Variants in KIFC2 observed in about 807,000 individuals in gnomAD.
KIFC2 encodes the protein kinesin-like protein KIFC2.
KIFC2 carries 94 observed loss-of-function variants against 91.5 expected under a neutral mutation model. That is an observed-to-expected ratio of 1.03 (90% CI 0.87 to 1.22). The LOEUF (loss-of-function observed/expected upper bound fraction) is 1.22, where lower values mean the gene tolerates loss of function less well. KIFC2 is among the 50% of genes most tolerant of loss of function. KIFC2 has a pLI of 0.00. For synonymous variants in KIFC2, 729 were observed against 503.9 expected (o/e 1.45, Z -5.98); for missense variants, 1,357 against 1,103.3 (o/e 1.23, Z -3.26).
At position 144,466,407 on chromosome 8, in the gene KIFC2, G is replaced by A; in HGVS notation, c.-13G>A. 5 of 1,237,190 alleles carry A rather than the reference G, an allele frequency of 4.0e-6. No homozygotes were observed. Among genetic ancestry groups the A allele is most frequent in the East Asian group, 3.9e-5 (1 of 25,848 alleles). The allele number at this position is 1,237,190 out of a possible 1,614,324, so 76.6% of individuals were successfully genotyped here. On this transcript the variant is annotated 5_prime_UTR_variant, in exon 1 of 18. Transcript: ENST00000645548. ...GCGGCGCGAAGCGGGGCCCTCTGCC[G>A]CCCCGCGCTCCCATGTACGCCTTTT...
Position 144,473,197 on chromosome 8 carries a change from T to G in KIFC2, c.2184T>G (p.Gly728=). ...CCCTCAAGTTCGCCGACCGAGTGGG[T>G]CAAGTGGAGCTGGGGCCAGCCCGGC... is the stretch of plus-strand genomic sequence containing the variant. The part of the protein sequence containing the change: ...VCSLKFADRV[G]QVELGPARRR... Residue 728 remains glycine (G), a synonymous_variant, in exon 18 of 18, where the codon GGT becomes GGG. Transcript: ENST00000645548. 1 of 1,582,754 alleles carries G rather than the reference T, an allele frequency of 6.3e-7. No individual in the cohort carries two copies. Among genetic ancestry groups the G allele is most frequent in the Non-Finnish European group, 8.6e-7 (1 of 1,165,454 alleles).
chr8:144,469,499 G>A lies in KIFC2; in HGVS notation c.1232G>A (p.Arg411His), dbSNP rs769307178. ...GRLPELKGNI[R>H]VLCRLRPGTS... ...CTGATCCCCACTGCAGGAAATATCCGTGTGCTGTGTCGGCTGAGGCCAGGG... is the reference window on the plus strand; with the variant it reads ...CTGATCCCCACTGCAGGAAATATCCATGTGCTGTGTCGGCTGAGGCCAGGG... The change falls in exon 12 of 18, where the codon CGT becomes CAT. Residue 411 changes from arginine to histidine, a missense_variant. Physicochemically the swap from Arg to His is conservative, Grantham distance 29. Coordinates refer to ENST00000645548, the MANE Select transcript of KIFC2 (RefSeq NM_001369769.2). 5.6e-6 allele frequency: 9 copies of A among 1,613,892 alleles called. No individual in the cohort carries two copies. The highest frequency in any genetic ancestry group is 3.3e-4 in the Middle Eastern group (2 of 6,082).
rs1200282408 is a variant in KIFC2 at position 144,474,041 on chromosome 8, C to G, written c.*652C>G. On this transcript the variant is annotated 3_prime_UTR_variant, in exon 18 of 18. Transcript: ENST00000645548. Reference sequence around the variant, plus strand: ...CTGAGTGTAGGAAAAACAGGCATGACAGACCAGGGTGAGGGTTGTGCCCAG... The same window carrying G: ...CTGAGTGTAGGAAAAACAGGCATGAGAGACCAGGGTGAGGGTTGTGCCCAG... The G allele has an allele frequency of 1.2e-5, 7 of 589,816 alleles. No individual in the cohort carries two copies. The highest frequency in any genetic ancestry group is 1.8e-5 in the Non-Finnish European group (6 of 333,516). The allele number at this position is 589,816 out of a possible 1,614,324, so 36.5% of individuals were successfully genotyped here. A position where few individuals can be genotyped will look rare whatever the true frequency, so the allele number is the denominator to read the frequency against.
At position 144,467,615 on chromosome 8, in the gene KIFC2, G is replaced by T. The variant is rs144598500; in HGVS notation, c.600G>T (p.Gln200His). ...EDQRAWQRLEQLILGQLEELK... is the reference protein window; with the variant it reads ...EDQRAWQRLEHLILGQLEELK... The stretch of plus-strand genomic sequence containing the variant: ...AGAGGGCGTGGCAGCGGCTGGAGCA[G>T]CTCATCCTGGGACAGGTGAGGTCCC... The change falls in exon 5 of 18, where the codon CAG becomes CAT. Residue 200 changes from glutamine to histidine, a missense_variant. Coordinates refer to ENST00000645548, the MANE Select transcript of KIFC2 (RefSeq NM_001369769.2). 8,549 of 1,596,162 alleles carry T rather than the reference G, an allele frequency of 5.4e-3. 37 individuals are homozygous for T. Among genetic ancestry groups the T allele is most frequent in the Non-Finnish European group, 6.8e-3 (7,965 of 1,170,678 alleles).
intron 12 of KIFC2, chr8:144,470,563 C>T (rs185212226): frequency 2.6e-5 from 4 of 152,398 alleles, no homozygotes; most frequent in South Asian, 2.1e-4. Flanking sequence ...TAGATTCTAG[C>T]CTTGTGGCTG....
rs759173560 is a variant in KIFC2, at chr8:144,466,515, C to T, written c.96C>T (p.Ala32=). The T allele has an allele frequency of 3.1e-5, 40 of 1,281,664 alleles. No individual in the cohort carries two copies. Among genetic ancestry groups the T allele is most frequent in the Non-Finnish European group, 3.7e-5 (37 of 1,006,312 alleles). The allele number at this position is 1,281,664 out of a possible 1,614,324, so 79.4% of individuals were successfully genotyped here. The change falls in exon 1 of 18, where the codon GCC becomes GCT. Residue 32 remains alanine (A), a synonymous_variant. Coordinates refer to ENST00000645548, the MANE Select transcript of KIFC2 (RefSeq NM_001369769.2). ...CGGCCGCGGAGCCCGGGGACCCCGC[C>T]CAGGTGAGCGGGGCTGGCCGTGCAG... is the stretch of plus-strand genomic sequence containing the variant. ...AAAAAEPGDP[A]QRARKPRGRR... is the part of the protein sequence containing the mutation.
rs375589656 is a variant in KIFC2 at position 144,467,292 on chromosome 8, G to T, written c.420G>T (p.Leu140=). The T allele has an allele frequency of 5.3e-5, 85 of 1,613,054 alleles. No individual in the cohort carries two copies. Among genetic ancestry groups the T allele is most frequent in the Non-Finnish European group, 6.5e-5 (77 of 1,179,938 alleles). ...WLRSPRGRQA[L]LQGTQPAPRV... ...GAAGCCCCAGGGGGAGGCAGGCCCT[G>T]CTCCAGGGGACTCAGCCAGCCCCTC... is the stretch of plus-strand genomic sequence containing the variant. Residue 140 remains leucine, a synonymous_variant, in exon 4 of 18, where the codon CTG becomes CTT. Transcript: ENST00000645548.
rs376524561 is a variant in KIFC2 at position 144,473,264 on chromosome 8, A to T, written c.2251A>T (p.Ser751Cys). 3 of 1,605,800 alleles carry T rather than the reference A, an allele frequency of 1.9e-6. No individual in the cohort carries two copies. Among genetic ancestry groups the T allele is most frequent in the Non-Finnish European group, 2.5e-6 (3 of 1,177,178 alleles). ...CTCCTCCGGGACGCCTTCTTCCCTCAGCACCGACACTCCGCTCACCGGGAC... is the reference window on the plus strand; with the variant it reads ...CTCCTCCGGGACGCCTTCTTCCCTCTGCACCGACACTCCGCTCACCGGGAC... ...PRSSGTPSSL[S>C]TDTPLTGTPC... Residue 751 changes from serine (S) to cysteine (C), a missense_variant, in exon 18 of 18, where the codon AGC (serine) becomes TGC (cysteine). Coordinates refer to ENST00000645548, the MANE Select transcript of KIFC2 (RefSeq NM_001369769.2).
At chr8:144,466,284 C>T (rs964079441), upstream of KIFC2, 26 of 225,116 alleles carry the variant, frequency 1.2e-4, no homozygotes, top group Admixed American at 5.2e-4. Context: ...CCGCGCTCGC[C>T]TTCCAGCCGT....
chr8:144,473,105 C>T (rs1041603025), intron 17 of KIFC2, 27 bp from the exon 18 acceptor site: 42 of 1,542,620 alleles, frequency 2.7e-5, no homozygotes, highest in Non-Finnish European at 3.4e-5. Context: ...CCACCCGGGC[C>T]CGCCCACCCG....
rs1586717035 is a variant in KIFC2 at position 144,466,487 on chromosome 8, C to T, written c.68C>T (p.Ala23Val). 11 of 1,322,598 alleles carry T rather than the reference C, an allele frequency of 8.3e-6. No individual in the cohort carries two copies. Among genetic ancestry groups the T allele is most frequent in the Middle Eastern group, 2.0e-4 (1 of 4,884 alleles). 81.9% of individuals were successfully genotyped at this position (1,322,598 alleles called of 1,614,324 possible). ...CTCTTCCGCAGGGATGGTGGCGCCG[C>T]GGCGGCCGCGGAGCCCGGGGACCCC... ...YSLFRRDGGAAAAAEPGDPAQ... is the reference protein window; with the variant it reads ...YSLFRRDGGAVAAAEPGDPAQ... The change falls in exon 1 of 18, where the codon GCG (alanine) becomes GTG (valine). Residue 23 changes from alanine to valine, a missense_variant. Physicochemically the swap from Ala to Val is moderately conservative, Grantham distance 64 (BLOSUM62 0). Coordinates refer to ENST00000645548, the MANE Select transcript of KIFC2 (RefSeq NM_001369769.2).
rs372743417 is a variant in KIFC2, at chr8:144,468,850, C to T, written c.1113+16C>T. 585 of 1,594,682 alleles carry T rather than the reference C, an allele frequency of 3.7e-4. 2 individuals carry two copies. The highest frequency in any genetic ancestry group is 4.0e-4 in the Admixed American group (24 of 59,954). On this transcript the variant is annotated intron_variant, in intron 10 of 17. Coordinates refer to ENST00000645548, the MANE Select transcript of KIFC2 (RefSeq NM_001369769.2). ...CCGGGGCCAGGTCAGGACCCCTCCCCGCCTAGCCCCTCCTCTCTGGGCAGC... is the reference window on the plus strand; with the variant it reads ...CCGGGGCCAGGTCAGGACCCCTCCCTGCCTAGCCCCTCCTCTCTGGGCAGC...
chr8:144,467,193 T>G lies in KIFC2; in HGVS notation c.331-10T>G, dbSNP rs1244884796. 6.2e-7 allele frequency: 1 copy of G among 1,613,486 alleles called. No individual in the cohort carries two copies. Among genetic ancestry groups the G allele is most frequent in the Non-Finnish European group, 8.5e-7 (1 of 1,180,010 alleles). On this transcript the variant is annotated splice_polypyrimidine_tract_variant and intron_variant, in intron 3 of 17. Transcript: ENST00000645548. ...TCACAGCCCTGCTCGGATTCTTGTC[T>G]CCTTCGCAGTCTGGCGAGGTCCCCT...
chr8:144,467,897 T>C lies in KIFC2; in HGVS notation c.720T>C (p.Thr240=), dbSNP rs1824749703. The change falls in exon 7 of 18, where the codon ACT becomes ACC. Residue 240 remains threonine, a synonymous_variant. Coordinates refer to ENST00000645548, the MANE Select transcript of KIFC2 (RefSeq NM_001369769.2). ...CAGAGAAAAGGGTTCAGCATCTGAC[T>C]CTGGAGAACGAGGCCCTGAAGCAGA... The part of the protein sequence containing the change: ...TDSEKRVQHL[T]LENEALKQSL... 6.2e-7 allele frequency: 1 copy of C among 1,613,076 alleles called. No homozygotes were observed. Among genetic ancestry groups the C allele is most frequent in the Non-Finnish European group, 8.5e-7 (1 of 1,179,652 alleles).
chr8:144,466,535 G>C lies in KIFC2; in HGVS notation c.99+17G>C. 8.4e-7 allele frequency: 1 copy of C among 1,186,280 alleles called. No individual in the cohort carries two copies. Among genetic ancestry groups the C allele is most frequent in the Non-Finnish European group, 1.1e-6 (1 of 941,316 alleles). The allele number at this position is 1,186,280 out of a possible 1,614,324, so 73.5% of individuals were successfully genotyped here. A position where few individuals can be genotyped will look rare whatever the true frequency, so the allele number is the denominator to read the frequency against. ...CCCGCCCAGGTGAGCGGGGCTGGCCGTGCAGCCCGTCGTCTCCCGCCGCCT... is the reference window on the plus strand; with the variant it reads ...CCCGCCCAGGTGAGCGGGGCTGGCCCTGCAGCCCGTCGTCTCCCGCCGCCT... On this transcript the variant is annotated intron_variant, in intron 1 of 17. Transcript: ENST00000645548.
intron 12 of KIFC2, among the ~76,000 whole-genome samples, chr8:144,471,106 G>A (rs959495876): frequency 2.0e-5 from 3 of 151,902 alleles, no homozygotes; most frequent in African/African-American, 4.8e-5. Flanking sequence ...TGGGATTACA[G>A]GTGCGTGCCA....
intron 7 of KIFC2, 26 bp from the exon 8 acceptor site, chr8:144,468,303 C>G (rs754562730): frequency 2.5e-6 from 4 of 1,584,392 alleles, no homozygotes; most frequent in African/African-American, 1.3e-5. Context: ...CTCTCTGAGT[C>G]CCTCCTGGCC....
chr8:144,469,555 GGC>G lies in KIFC2; in HGVS notation c.1289_1290del (p.Gly430AlafsTer69), dbSNP rs1824844014. On this transcript the variant is annotated frameshift_variant, in exon 12 of 18. Coordinates refer to ENST00000645548, the MANE Select transcript of KIFC2 (RefSeq NM_001369769.2). LOFTEE classifies it high-confidence loss of function. ...TSSSLVSVEP[G>X]PGGTVTTCYR... ...TTCTAGCCTTGTGAGTGTGGAGCCT[GGC>G]CCAGGGGGCACCGTCACCACCTGCT... The G allele has an allele frequency of 1.2e-6, 2 of 1,613,650 alleles. No homozygotes were observed. The highest frequency in any genetic ancestry group is 1.7e-6 in the Non-Finnish European group (2 of 1,179,998).
In KIFC2 at chr8:144,467,085, G is replaced by T; in HGVS notation, c.305G>T (p.Cys102Phe). 1 of 1,598,478 alleles carries T rather than the reference G, an allele frequency of 6.3e-7. No individual in the cohort carries two copies. Residue 102 changes from cysteine to phenylalanine, a missense_variant, in exon 3 of 18, where the codon TGC (cysteine) becomes TTC (phenylalanine). Physicochemically the swap from Cys to Phe is radical, Grantham distance 205. Coordinates refer to ENST00000645548, the MANE Select transcript of KIFC2 (RefSeq NM_001369769.2). ...LSVQLGAEES[C>F]GGPADLGQSG... Reference sequence around the variant, plus strand: ...GTCCAGCTGGGGGCGGAAGAGAGCTGCGGGGGCCCGGCGGACCTGGGCCAG... The same window carrying T: ...GTCCAGCTGGGGGCGGAAGAGAGCTTCGGGGGCCCGGCGGACCTGGGCCAG...
Sources: allele counts gnomAD v4.1 joint callset (sites outside exome capture counted in the v4.1 genomes callset), GRCh38; gene constraint gnomAD v4.1.1; transcripts MANE v1.5; gene names NCBI Gene and HGNC (gene_info 2026-07-23, HGNC 2026-07-21).